The following KCNN2 variants were observed in gnomAD, a reference collection of about 807,000 sequenced individuals.
The protein encoded by KCNN2 is potassium calcium-activated channel subfamily N member 2.
Under a neutral mutation model 55.5 loss-of-function variants are expected in KCNN2, and 24 were observed. The ratio of observed to expected loss-of-function variants is 0.43; its 90% CI spans 0.31 to 0.61. KCNN2 has a LOEUF of 0.61. KCNN2 is among the 20% of genes least tolerant of loss of function. The pLI is 0.08. For missense variants in KCNN2, 754 were observed against 853.6 expected, an observed-to-expected ratio of 0.88 and a Z score of 1.45; for synonymous variants, 431 against 336.1, an observed-to-expected ratio of 1.28 and a Z score of -3.09.
At chr5:114,334,711 T>C (rs1249207739) in intron 2 of KCNN2, among the ~76,000 whole-genome samples, 1 of 152,158 alleles carries the variant, frequency 6.6e-6, no homozygotes, top group Non-Finnish European at 1.5e-5. Flanking sequence ...AAATTTATTT[T>C]CCTGAACACT....
chr5:114,402,437 C>A (rs1561609295), intron 2 of KCNN2, among the ~76,000 whole-genome samples: 2 of 152,124 alleles, frequency 1.3e-5, no homozygotes, highest in Non-Finnish European at 2.9e-5. Context: ...TTTTAGTCAA[C>A]AGTAGAAGTT....
At chr5:114,107,884 T>C (rs1233461283) in intron 1 of KCNN2, among the ~76,000 whole-genome samples, 1 of 152,120 alleles carries the variant, frequency 6.6e-6, no homozygotes, top group African/African-American at 2.4e-5. Flanking sequence ...TATTTTTAAT[T>C]TCTCTTGGTG....
intron 5 of KCNN2, among the ~76,000 whole-genome samples, chr5:114,477,105 T>C (rs1003309063): frequency 1.2e-5 from 1 of 84,562 alleles, no homozygotes; most frequent in South Asian, 4.4e-4. Context: ...TACATATTGT[T>C]AGAGAAAAAT....
intron 3 of KCNN2, among the ~76,000 whole-genome samples, chr5:114,430,434 G>T (rs1022238355): frequency 2.0e-5 from 3 of 152,034 alleles, no homozygotes; most frequent in African/African-American, 7.2e-5. Context: ...ACATAGAAAA[G>T]TAATAGACTT....
intron 2 of KCNN2, among the ~76,000 whole-genome samples, chr5:114,241,727 TATATAC>T (rs1314264322): frequency 2.4e-5 from 2 of 83,598 alleles, no homozygotes; most frequent in African/African-American, 1.1e-4. Context: ...TATACGTATA[TATATAC>T]ATATATACGT....
intron 2 of KCNN2, 148 bp downstream of exon 2, chr5:114,364,149 C>T (rs1229190915): frequency 8.2e-6 from 5 of 611,974 alleles, no homozygotes; most frequent in African/African-American, 7.4e-5. Flanking sequence ...TAGCACCTGA[C>T]CTGTTCTTTC....
At chr5:114,460,085 C>A (rs1214559006) in intron 3 of KCNN2, among the ~76,000 whole-genome samples, 1 of 152,134 alleles carries the variant, frequency 6.6e-6, no homozygotes, top group Non-Finnish European at 1.5e-5. Context: ...ATTAGAAAGA[C>A]CTTCACACCC....
intron 1 of KCNN2, among the ~76,000 whole-genome samples, chr5:114,140,436 A>G (rs557659841): frequency 3.4e-4 from 52 of 152,320 alleles, no homozygotes; most frequent in African/African-American, 1.3e-3. Flanking sequence ...ACATAAAAGC[A>G]ATGTTTGGAA....
chr5:114,187,817 C>CTTTTTTTTTTTT (rs1289521116), intron 1 of KCNN2, among the ~76,000 whole-genome samples: 1 of 131,278 alleles, frequency 7.6e-6, no homozygotes, highest in Non-Finnish European at 1.6e-5. Context: ...CCTTTTTTTT[C>CTTTTTTTTTTTT]TTTTTTTTTT....
chr5:114,164,781 G>A (rs1312865756), intron 1 of KCNN2, among the ~76,000 whole-genome samples: 1 of 152,112 alleles, frequency 6.6e-6, no homozygotes, highest in Non-Finnish European at 1.5e-5. Flanking sequence ...TTATTAAGCA[G>A]TATAGCTAAT....
chr5:114,479,653 A>AAAAG (rs1327560293), intron 5 of KCNN2, among the ~76,000 whole-genome samples: 7 of 152,308 alleles, frequency 4.6e-5, no homozygotes, highest in African/African-American at 1.7e-4. Context: ...CAGCAAATGC[A>AAAAG]AAAGAACTGA....
intron 1 of KCNN2, among the ~76,000 whole-genome samples, chr5:114,178,908 A>T (rs141438325): frequency 2.3e-4 from 35 of 152,294 alleles, no homozygotes; most frequent in African/African-American, 7.7e-4. Flanking sequence ...TGTGACCTTC[A>T]GTCTTTTCTT....
chr5:114,486,660 G>T (rs756813832), intron 5 of KCNN2: 6 of 1,058,172 alleles, frequency 5.7e-6, no homozygotes, highest in Middle Eastern at 2.4e-4. Flanking sequence ...CAAAGGACAA[G>T]ATTAACCTTG....
At chr5:114,321,706 G>A (rs916796607) in intron 2 of KCNN2, among the ~76,000 whole-genome samples, 1 of 150,820 alleles carries the variant, frequency 6.6e-6, no homozygotes, top group Non-Finnish European at 1.5e-5. Flanking sequence ...TCTTTGTTCT[G>A]TCCCCCAGGC....
intron 1 of KCNN2, among the ~76,000 whole-genome samples, chr5:114,167,010 TAAG>T (rs1055461943): frequency 3.9e-5 from 6 of 152,206 alleles, no homozygotes; most frequent in African/African-American, 1.2e-4. Context: ...TCCAGAATTG[TAAG>T]AAATAAATTT....
intron 2 of KCNN2, among the ~76,000 whole-genome samples, chr5:114,400,343 C>T (rs562301647): frequency 1.3e-5 from 2 of 152,186 alleles, no homozygotes; most frequent in South Asian, 2.1e-4. Flanking sequence ...CTCATTGTCT[C>T]CATTTCCATG....
At chr5:114,408,699 G>T (rs1759021345) in intron 3 of KCNN2, among the ~76,000 whole-genome samples, 1 of 152,100 alleles carries the variant, frequency 6.6e-6, no homozygotes, top group African/African-American at 2.4e-5. Context: ...CATCTCCATG[G>T]GTGGTCTCTA....
At chr5:114,249,156 G>A (rs563606542) in intron 2 of KCNN2, among the ~76,000 whole-genome samples, 59 of 152,198 alleles carry the variant, frequency 3.9e-4, no homozygotes, top group Admixed American at 2.1e-3. Context: ...AAGTTCTGCT[G>A]ATGATTCAAT....
At chr5:114,218,709 A>G (rs982851362) in intron 1 of KCNN2, among the ~76,000 whole-genome samples, 6 of 152,212 alleles carry the variant, frequency 3.9e-5, no homozygotes, top group African/African-American at 1.2e-4. Context: ...AAGAGTAAAT[A>G]CTAATGTAAA....
Sources: allele counts gnomAD v4.1 joint callset (sites outside exome capture counted in the v4.1 genomes callset), GRCh38; gene constraint gnomAD v4.1.1; transcripts MANE v1.5; gene names NCBI Gene and HGNC (gene_info 2026-07-23, HGNC 2026-07-21).